FMNL2: variants seen among roughly 807,000 people sequenced by gnomAD.
The protein encoded by FMNL2 is formin like 2.
In FMNL2, 51 loss-of-function variants were observed where a neutral mutation model predicts 130.2. The ratio of observed to expected loss-of-function variants is 0.39; its 90% confidence interval spans 0.31 to 0.49. FMNL2 has a LOEUF of 0.49. Ranked by LOEUF, FMNL2 falls within the 20% of genes least tolerant of loss-of-function variation. FMNL2 has a pLI of 0.85. For missense variants in FMNL2, 977 were observed against 1,316.2 expected (o/e 0.74, Z 3.99); for synonymous variants, 465 against 467.1 (o/e 1.00, Z 0.06).
At chr2:152,424,330 T>C (rs60280470) in intron 1 of FMNL2, among the ~76,000 whole-genome samples, 15,715 of 152,104 alleles carry the variant, frequency 0.1, 1,237 homozygotes, top group Admixed American at 0.22. Context: ...TCATACTTAA[T>C]GTGTAATGTA....
At chr2:152,635,438 T>C (rs1682512210) in intron 21 of FMNL2, among the ~76,000 whole-genome samples, 1 of 152,248 alleles carries the variant, frequency 6.6e-6, no homozygotes, top group Non-Finnish European at 1.5e-5. Flanking sequence ...TGCTTGAATT[T>C]GCTTTTTGTC....
intron 12 of FMNL2, among the ~76,000 whole-genome samples, chr2:152,616,506 T>A (rs531866568): frequency 2.3e-4 from 35 of 151,836 alleles, no homozygotes; most frequent in Admixed American, 1.1e-3. Flanking sequence ...AATTTTTGTA[T>A]TTTTTAGTAG....
At chr2:152,551,095 A>G (rs1386666025) in intron 4 of FMNL2, among the ~76,000 whole-genome samples, 1 of 149,442 alleles carries the variant, frequency 6.7e-6, no homozygotes, top group Non-Finnish European at 1.5e-5. Flanking sequence ...AGCCGAGATC[A>G]TTCCACTGCA....
intron 1 of FMNL2, among the ~76,000 whole-genome samples, chr2:152,396,301 C>CT (rs1685390396): frequency 6.6e-6 from 1 of 152,146 alleles, no homozygotes; most frequent in Non-Finnish European, 1.5e-5. Flanking sequence ...ATATACTATA[C>CT]TTGCTATTTG....
intron 1 of FMNL2, among the ~76,000 whole-genome samples, chr2:152,434,616 C>T (rs996720440): frequency 2.0e-5 from 3 of 151,986 alleles, no homozygotes; most frequent in Admixed American, 1.3e-4. Context: ...GCAGGGTCTT[C>T]CCCCCATGCA....
At chr2:152,619,243 C>T in intron 14 of FMNL2, 85 bp downstream of exon 14, 1 of 1,446,646 alleles carries the variant, frequency 6.9e-7, no homozygotes, top group Non-Finnish European at 9.2e-7. Context: ...TGTCCTTTGT[C>T]CGTTTTTGTT....
chr2:152,618,562 G>A (rs1484652267), intron 13 of FMNL2, among the ~76,000 whole-genome samples: 2 of 152,140 alleles, frequency 1.3e-5, no homozygotes, highest in South Asian at 2.1e-4. Flanking sequence ...TCAGCATTCC[G>A]GGTCATTTCT....
intron 1 of FMNL2, among the ~76,000 whole-genome samples, chr2:152,350,045 A>T (rs1413886123): frequency 1.3e-5 from 2 of 152,126 alleles, no homozygotes; most frequent in African/African-American, 4.8e-5. Flanking sequence ...CCTGAAGGGG[A>T]TGCACAGGTA....
rs145054955 is a variant in FMNL2, at chr2:152,545,605, G to A, written c.282+2786G>A. ...TAAAGGATTCTGGTCCTTTGCTGGC[G>A]CTGCAGTTGTGAGATGAAACCTATT... On this transcript the variant is annotated intron_variant, in intron 3 of 25. Transcript: ENST00000288670. 2.0e-4 allele frequency among the ~76,000 whole-genome samples: 30 copies of A among 152,216 alleles called. 2 individuals are homozygous for A. The highest frequency in any genetic ancestry group is 1.4e-3 in the Admixed American group (22 of 15,286).
At chr2:152,424,350 TATTA>T (rs532557009) in intron 1 of FMNL2, among the ~76,000 whole-genome samples, 3 of 152,046 alleles carry the variant, frequency 2.0e-5, no homozygotes, top group Non-Finnish European at 4.4e-5. Context: ...ACTTGGGATT[TATTA>T]ATTGATTGAT....
intron 1 of FMNL2, among the ~76,000 whole-genome samples, chr2:152,474,676 ACT>A (rs1690048027): frequency 2.0e-5 from 3 of 151,814 alleles, no homozygotes; most frequent in Non-Finnish European, 4.4e-5. Flanking sequence ...ATGGAGCAAG[ACT>A]CTGTCTAAAA....
At chr2:152,504,942 C>T (rs1692072584) in intron 1 of FMNL2, among the ~76,000 whole-genome samples, 1 of 152,148 alleles carries the variant, frequency 6.6e-6, no homozygotes, top group African/African-American at 2.4e-5. Flanking sequence ...TAAGGAAAAG[C>T]AAAGGTGAAA....
At chr2:152,548,891 C>CA in intron 3 of FMNL2, 130 bp from the exon 4 acceptor site, 2 of 719,094 alleles carry the variant, frequency 2.8e-6, no homozygotes, top group East Asian at 3.0e-5. Flanking sequence ...TGCTCTGCAA[C>CA]AAAAAAAGTG....
intron 1 of FMNL2, among the ~76,000 whole-genome samples, chr2:152,337,391 C>CTG (rs10524595): frequency 0.56 from 80,867 of 143,336 alleles, 24,990 homozygotes; most frequent in Non-Finnish European, 0.73. Context: ...CTGTGGTGCT[C>CTG]TGTGTGTGTG....
chr2:152,482,829 A>G (rs1195206854), intron 1 of FMNL2, among the ~76,000 whole-genome samples: 12 of 152,140 alleles, frequency 7.9e-5, no homozygotes, highest in Admixed American at 5.2e-4. Flanking sequence ...TGTCCCCGGT[A>G]TTACTCTTTG....
chr2:152,492,493 T>C (rs1227290290), intron 1 of FMNL2, among the ~76,000 whole-genome samples: 2 of 152,224 alleles, frequency 1.3e-5, no homozygotes. Context: ...TTGGCTTTTC[T>C]CAACTGGAGA....
intron 1 of FMNL2, among the ~76,000 whole-genome samples, chr2:152,483,883 A>T (rs930911056): frequency 4.6e-5 from 7 of 152,194 alleles, no homozygotes; most frequent in Non-Finnish European, 1.0e-4. Context: ...GAGAGGGGGA[A>T]AAAAACCCAA....
At chr2:152,615,534 T>C (rs1698902796) in intron 12 of FMNL2, among the ~76,000 whole-genome samples, 1 of 152,250 alleles carries the variant, frequency 6.6e-6, no homozygotes, top group African/African-American at 2.4e-5. Context: ...CTTTGAAGAA[T>C]GTCCTCAGTA....
chr2:152,537,136 T>G (rs1335662867), intron 2 of FMNL2, among the ~76,000 whole-genome samples: 2 of 152,230 alleles, frequency 1.3e-5, no homozygotes, highest in Non-Finnish European at 2.9e-5. Context: ...TAAGTCTGCC[T>G]GCCTGTGTCT....
Sources: gnomAD v4.1 joint callset for allele counts (sites outside exome capture counted in the v4.1 genomes callset) on GRCh38, gnomAD v4.1.1 for gene constraint, MANE v1.5 for transcripts, NCBI Gene and HGNC (gene_info 2026-07-23, HGNC 2026-07-21) for gene names.